RTL9: variants seen among roughly 807,000 people sequenced by gnomAD.
The protein encoded by RTL9 is retrotransposon Gag like 9.
A neutral mutation model predicts 44.7 loss-of-function variants in RTL9; 19 were observed. The ratio of observed to expected loss-of-function variants is 0.42; its 90% CI spans 0.30 to 0.62. The LOEUF is 0.62. Among genes scored for constraint, RTL9 ranks in the 20% least tolerant of loss-of-function variants. The pLI is 0.16. For synonymous variants in RTL9, 407 were observed against 398.9 expected, an observed-to-expected ratio of 1.02 and a Z score of -0.24; for missense variants, 1,105 against 1,080.6, an observed-to-expected ratio of 1.02 and a Z score of -0.32.
chrX:110,449,488 A>G (rs895080383), upstream of RTL9, among the ~76,000 whole-genome samples: 16 of 112,555 alleles, frequency 1.4e-4, no homozygotes, highest in African/African-American at 5.2e-4. Context: ...ACATGTCAAC[A>G]TTGTGTAATA....
intron 1 of RTL9, among the ~76,000 whole-genome samples, chrX:110,426,017 C>G (rs1360188994): frequency 8.9e-6 from 1 of 112,442 alleles, no homozygotes; most frequent in African/African-American, 3.2e-5. Flanking sequence ...CACACACACA[C>G]ACACATCCTG....
chrX:110,454,803 C>G, intron 1 of RTL9, 139 bp downstream of exon 3: 2 of 533,764 alleles, frequency 3.7e-6, no homozygotes, highest in Non-Finnish European at 6.0e-6. Context: ...TAAACCCCAG[C>G]AGTTTCATCA....
chrX:110,423,080 C>T (rs2068729350), intron 1 of RTL9, among the ~76,000 whole-genome samples: 1 of 112,161 alleles, frequency 8.9e-6, no homozygotes, highest in Non-Finnish European at 1.9e-5. Flanking sequence ...GTAATCCCAG[C>T]ACTTTGGGTG....
chrX:110,454,827 C>G (rs761440187), intron 1 of RTL9, among the ~76,000 whole-genome samples, 163 bp downstream of exon 3: 1 of 111,870 alleles, frequency 8.9e-6, no homozygotes, highest in South Asian at 3.8e-4. Flanking sequence ...GAGCATGGCT[C>G]TGCAGTTATT....
At chrX:110,404,068 T>C (rs764169136) in intron 1 of RTL9, among the ~76,000 whole-genome samples, 52 of 112,553 alleles carry the variant, frequency 4.6e-4, no homozygotes, top group Non-Finnish European at 8.3e-4. Context: ...CTTTAGTGAT[T>C]CCGGAGACTT....
upstream of RTL9, among the ~76,000 whole-genome samples, chrX:110,414,495 T>C (rs913863704): frequency 8.9e-6 from 1 of 112,928 alleles, no homozygotes; most frequent in Non-Finnish European, 1.9e-5. Flanking sequence ...TTGCATGCAG[T>C]GTTTCATTTA....
intron 1 of RTL9, among the ~76,000 whole-genome samples, chrX:110,388,089 G>A (rs1373645717): frequency 9.1e-6 from 1 of 110,320 alleles, no homozygotes; most frequent in Admixed American, 9.6e-5. Flanking sequence ...GGATGGTCTC[G>A]ATCTCCTGAC....
intron 1 of RTL9, among the ~76,000 whole-genome samples, chrX:110,434,898 G>C (rs2068825078): frequency 9.1e-6 from 1 of 109,446 alleles, no homozygotes; most frequent in Admixed American, 9.7e-5. Flanking sequence ...TAATGAGGGA[G>C]GTGGTGGGGG....
At chrX:110,381,614 C>A (rs2068419827) in intron 1 of RTL9, among the ~76,000 whole-genome samples, 1 of 111,737 alleles carries the variant, frequency 8.9e-6, no homozygotes, top group Non-Finnish European at 1.9e-5. Context: ...CAAAAAGACA[C>A]CTGCACTTGT....
At chrX:110,412,509 A>G (rs940765131) in intron 1 of RTL9, among the ~76,000 whole-genome samples, 45 of 112,102 alleles carry the variant, frequency 4.0e-4, no homozygotes, top group African/African-American at 1.4e-3. Flanking sequence ...TGTGACTTCG[A>G]CCAAGTTTCT....
intron 1 of RTL9, among the ~76,000 whole-genome samples, chrX:110,393,385 T>G: frequency 8.9e-6 from 1 of 112,131 alleles, no homozygotes; most frequent in Non-Finnish European, 1.9e-5. Flanking sequence ...GTGCTTTATT[T>G]TCATCTCTGA....
At chrX:110,439,351 C>T (rs982989639) in intron 1 of RTL9, among the ~76,000 whole-genome samples, 1 of 112,284 alleles carries the variant, frequency 8.9e-6, no homozygotes, top group Non-Finnish European at 1.9e-5. Context: ...AGCGTGGAGC[C>T]TCCCCATTGT....
intron 1 of RTL9, among the ~76,000 whole-genome samples, chrX:110,442,622 T>C (rs2068889060): frequency 8.9e-6 from 1 of 111,940 alleles, no homozygotes; most frequent in African/African-American, 3.3e-5. Flanking sequence ...TTCAGTGAAC[T>C]TGAGTACTTC....
intron 2 of RTL9, among the ~76,000 whole-genome samples, 173 bp downstream of exon 2, chrX:110,445,441 C>T (rs2068903082): frequency 9.0e-6 from 1 of 111,586 alleles, no homozygotes; most frequent in African/African-American, 3.3e-5. Flanking sequence ...CTATTTCCCC[C>T]TCTTTATTTA....
At chrX:110,427,766 C>A (rs1427053170) in intron 1 of RTL9, among the ~76,000 whole-genome samples, 1 of 112,323 alleles carries the variant, frequency 8.9e-6, no homozygotes, top group Non-Finnish European at 1.9e-5. Flanking sequence ...ACCCCCAACA[C>A]TATGCTCTTG....
At chrX:110,405,993 T>G (rs1436195724) in intron 1 of RTL9, among the ~76,000 whole-genome samples, 2 of 112,063 alleles carry the variant, frequency 1.8e-5, no homozygotes, top group African/African-American at 6.5e-5. Flanking sequence ...TAGCCTACTC[T>G]GAAAACCCTA....
intron 1 of RTL9, among the ~76,000 whole-genome samples, chrX:110,369,101 G>A (rs1235560376): frequency 8.9e-6 from 1 of 112,035 alleles, no homozygotes; most frequent in Non-Finnish European, 1.9e-5. Flanking sequence ...GGGAGGCTGA[G>A]GTGGGCAGAT....
intron 1 of RTL9, among the ~76,000 whole-genome samples, chrX:110,373,546 T>C (rs1338880859): frequency 2.7e-5 from 3 of 111,727 alleles, no homozygotes; most frequent in Middle Eastern, 4.2e-3. Context: ...TGCAAAAAAA[T>C]GATAAAGCAC....
At chrX:110,368,045 T>C (rs2068310938) in intron 1 of RTL9, among the ~76,000 whole-genome samples, 2 of 106,314 alleles carry the variant, frequency 1.9e-5, no homozygotes, top group African/African-American at 6.8e-5. Context: ...CTTGCTTTGT[T>C]GCCCAGGCTG....
Sources: allele counts gnomAD v4.1 joint callset (sites outside exome capture counted in the v4.1 genomes callset), GRCh38; gene constraint gnomAD v4.1.1; transcripts MANE v1.5; gene names NCBI Gene and HGNC (gene_info 2026-07-23, HGNC 2026-07-21).